WDR70: variants seen among roughly 807,000 people sequenced by gnomAD.
The protein encoded by WDR70 is WD repeat domain 70.
Under a neutral mutation model 88.6 loss-of-function variants are expected in WDR70, and 53 were observed. The ratio of observed to expected loss-of-function variants is 0.60; its 90% CI spans 0.48 to 0.75. The LOEUF (loss-of-function observed/expected upper bound fraction) is 0.75, where lower values mean the gene tolerates loss of function less well. Among genes scored for constraint, WDR70 ranks in the 30% least tolerant of loss-of-function variants. The probability of loss-of-function intolerance (pLI) is 0.00; values close to 1 mark genes in which losing one functional copy is unlikely to be tolerated. For missense variants in WDR70, 610 were observed against 823.2 expected (o/e 0.74, Z 3.17); for synonymous variants, 280 against 270.0 (o/e 1.04, Z -0.36).
intron 9 of WDR70, among the ~76,000 whole-genome samples, chr5:37,538,796 T>A (rs1741736127): frequency 6.6e-6 from 1 of 152,192 alleles, no homozygotes; most frequent in African/African-American, 2.4e-5. Context: ...TTACTACATT[T>A]TACTTGGAAG....
chr5:37,484,160 G>A (rs1175364989), intron 8 of WDR70, among the ~76,000 whole-genome samples: 3 of 152,212 alleles, frequency 2.0e-5, no homozygotes, highest in Non-Finnish European at 2.9e-5. Context: ...GGTGGCAGCC[G>A]GGCAGAGGCT....
chr5:37,557,957 A>ATTC (rs1742357092), intron 9 of WDR70, among the ~76,000 whole-genome samples: 3 of 139,248 alleles, frequency 2.2e-5, no homozygotes, highest in Admixed American at 7.1e-5. Context: ...TCAAAAGAGT[A>ATTC]TTATGTATAT....
chr5:37,702,826 T>A, intron 12 of WDR70, 123 bp from the exon 13 acceptor site: 6 of 923,276 alleles, frequency 6.5e-6, no homozygotes, highest in Non-Finnish European at 9.4e-6. Flanking sequence ...TTAATATAAG[T>A]GCTTGACTCA....
chr5:37,718,472 A>G (rs1195478940), intron 13 of WDR70, among the ~76,000 whole-genome samples: 1 of 152,204 alleles, frequency 6.6e-6, no homozygotes, highest in Non-Finnish European at 1.5e-5. Context: ...GAGAACCAAG[A>G]AAGAGAAATA....
chr5:37,526,805 C>T (rs1300365641), intron 9 of WDR70, among the ~76,000 whole-genome samples: 4 of 152,118 alleles, frequency 2.6e-5, no homozygotes, highest in Admixed American at 6.5e-5. Flanking sequence ...CAAAAATCAA[C>T]GTGCAAAAAT....
chr5:37,535,197 T>C (rs1561892491), intron 9 of WDR70, among the ~76,000 whole-genome samples: 1 of 151,902 alleles, frequency 6.6e-6, no homozygotes, highest in East Asian at 1.9e-4. Flanking sequence ...GCACGTAGAG[T>C]AGTCAGAGAA....
chr5:37,460,885 A>C (rs1738977798), intron 7 of WDR70, among the ~76,000 whole-genome samples: 1 of 151,896 alleles, frequency 6.6e-6, no homozygotes, highest in African/African-American at 2.4e-5. Context: ...ATGATGTTTT[A>C]AAAACTAAAT....
intron 3 of WDR70, among the ~76,000 whole-genome samples, chr5:37,386,034 C>A (rs1225482259): frequency 1.3e-5 from 2 of 150,308 alleles, no homozygotes; most frequent in African/African-American, 4.9e-5. Context: ...AGGATGGTCT[C>A]GATCTCCTGC....
At chr5:37,619,973 C>T (rs1453069454) in intron 10 of WDR70, 1 of 118,136 alleles carries the variant, frequency 8.5e-6, no homozygotes, top group Admixed American at 1.0e-4. Context: ...CAAAATGATA[C>T]AAAACTGTCT....
chr5:37,379,374 C>G lies in WDR70; in HGVS notation c.7C>G (p.Arg3Gly). 1 of 1,613,594 alleles carries G rather than the reference C, an allele frequency of 6.2e-7. No individual in the cohort carries two copies. Among genetic ancestry groups the G allele is most frequent in the African/African-American group, 1.3e-5 (1 of 75,032 alleles). ...CTGGGGTGTGCGGCCAGCCATGGAG[C>G]GCTCTGGGCCCAGCGAAGGTGGGTT... ME[R>G]SGPSEVTGSD... The change falls in exon 1 of 18, where the codon CGC becomes GGC. Residue 3 changes from arginine to glycine, a missense_variant. Transcript: ENST00000265107.
At chr5:37,701,835 T>A (rs1747174240) in intron 12 of WDR70, among the ~76,000 whole-genome samples, 1 of 151,972 alleles carries the variant, frequency 6.6e-6, no homozygotes, top group South Asian at 2.1e-4. Context: ...AAGGCAGTTT[T>A]TAATATTACT....
At chr5:37,648,028 A>T (rs367546834) in intron 10 of WDR70, among the ~76,000 whole-genome samples, 1 of 152,172 alleles carries the variant, frequency 6.6e-6, no homozygotes, top group African/African-American at 2.4e-5. Context: ...TGGGGATTAC[A>T]ATTTGAGATG....
At chr5:37,427,245 T>C (rs929900559) in intron 5 of WDR70, among the ~76,000 whole-genome samples, 25 of 151,934 alleles carry the variant, frequency 1.6e-4, no homozygotes, top group African/African-American at 6.0e-4. Flanking sequence ...AAAAATTAGC[T>C]GGGCGTGGTG....
chr5:37,647,426 G>A (rs1277895984), intron 10 of WDR70, among the ~76,000 whole-genome samples: 1 of 152,094 alleles, frequency 6.6e-6, no homozygotes. Context: ...TTGATGCTTG[G>A]GGATTTTTTT....
At chr5:37,627,005 T>C (rs1253390864) in intron 10 of WDR70, among the ~76,000 whole-genome samples, 2 of 152,132 alleles carry the variant, frequency 1.3e-5, no homozygotes, top group Non-Finnish European at 2.9e-5. Flanking sequence ...TTGAGTCTCT[T>C]TTTTTCTTTT....
chr5:37,727,175 G>A, intron 17 of WDR70, 130 bp downstream of exon 17: 1 of 1,134,678 alleles, frequency 8.8e-7, no homozygotes, highest in South Asian at 1.7e-5. Context: ...AATAGGCCAG[G>A]TACTCATGGT....
intron 8 of WDR70, among the ~76,000 whole-genome samples, chr5:37,496,211 A>G (rs558297987): frequency 6.6e-6 from 1 of 152,360 alleles, no homozygotes; most frequent in Admixed American, 6.5e-5. Context: ...GCAGGGCCAA[A>G]TAAGGGAATA....
At chr5:37,502,328 G>A (rs1740427783) in intron 8 of WDR70, among the ~76,000 whole-genome samples, 1 of 152,102 alleles carries the variant, frequency 6.6e-6, no homozygotes. Context: ...TAGAAGTGTG[G>A]TAAAAGTGGG....
chr5:37,479,772 T>C (rs958977163), intron 7 of WDR70, 62 bp from the exon 8 acceptor site: 45 of 1,509,664 alleles, frequency 3.0e-5, no homozygotes, highest in Non-Finnish European at 8.0e-6. Context: ...CAATACTTAA[T>C]GTAGTAAAAT....
Sources: allele counts gnomAD v4.1 joint callset (sites outside exome capture counted in the v4.1 genomes callset), GRCh38; gene constraint gnomAD v4.1.1; transcripts MANE v1.5; gene names NCBI Gene and HGNC (gene_info 2026-07-23, HGNC 2026-07-21).